The following PHACTR1 variants were observed in gnomAD, a reference collection of about 807,000 sequenced individuals.
PHACTR1 encodes the protein RPEL repeat containing 1.
A neutral mutation model predicts 69.2 loss-of-function variants in PHACTR1; 16 were observed. That is an observed-to-expected ratio of 0.23 (90% CI 0.16 to 0.35). PHACTR1 has a LOEUF of 0.35. Among genes scored for constraint, PHACTR1 ranks in the 10% least tolerant of loss-of-function variants. PHACTR1 has a pLI of 1.00. For missense variants in PHACTR1, 510 were observed against 734.7 expected, an observed-to-expected ratio of 0.69 and a Z score of 3.54; for synonymous variants, 312 against 284.5, an observed-to-expected ratio of 1.10 and a Z score of -0.97.
chr6:13,160,131 T>G lies in PHACTR1; in HGVS notation c.416-73T>G, dbSNP rs1758772075. 7 of 1,319,686 alleles carry G rather than the reference T, an allele frequency of 5.3e-6. No homozygotes were observed. In the Admixed American group the frequency reaches 1.2e-4, roughly 22 times the overall value. The allele number at this position is 1,319,686 out of a possible 1,614,324, so 81.7% of individuals were successfully genotyped here. On this transcript the variant is annotated intron_variant, in intron 5 of 14. Transcript: ENST00000332995. Reference sequence around the variant, plus strand: ...TCGTATGTTACATTGCCATATGTGTTAACATAGGATCCTTTAGAAGACAAC... The same window carrying G: ...TCGTATGTTACATTGCCATATGTGTGAACATAGGATCCTTTAGAAGACAAC...
intron 10 of PHACTR1, among the ~76,000 whole-genome samples, chr6:13,258,670 C>T (rs991733476): frequency 2.0e-5 from 3 of 152,170 alleles, no homozygotes; most frequent in African/African-American, 7.2e-5. Context: ...TTCCTTTGAT[C>T]AGATCATGTT....
intron 5 of PHACTR1, among the ~76,000 whole-genome samples, chr6:13,128,328 A>G: frequency 6.7e-6 from 1 of 150,040 alleles, no homozygotes; most frequent in Non-Finnish European, 1.5e-5. Flanking sequence ...TAATTTAGAA[A>G]TTTAATTATT....
intron 12 of PHACTR1, chr6:13,281,198 A>G (rs1466114741): frequency 8.6e-7 from 1 of 1,166,558 alleles, no homozygotes; most frequent in Non-Finnish European, 1.1e-6. Context: ...GTCAGTTTCC[A>G]GGAAGAGAAA....
intron 5 of PHACTR1, among the ~76,000 whole-genome samples, chr6:13,072,479 A>ACTT (rs1554121040): frequency 1.3e-5 from 2 of 151,212 alleles, no homozygotes; most frequent in African/African-American, 2.4e-5. Context: ...ATTTATACAT[A>ACTT]CTTGCTTTCA....
chr6:13,068,820 A>G (rs1392337881), intron 5 of PHACTR1, among the ~76,000 whole-genome samples: 1 of 152,186 alleles, frequency 6.6e-6, no homozygotes, highest in East Asian at 1.9e-4. Flanking sequence ...TTGGGAGGGA[A>G]GGTGAGCACA....
chr6:12,782,956 C>T (rs1771022357), intron 4 of PHACTR1, among the ~76,000 whole-genome samples: 1 of 152,170 alleles, frequency 6.6e-6, no homozygotes. Context: ...TATATTATTC[C>T]TGGACTCAAA....
Position 13,283,473 on chromosome 6 carries a change from C to A in PHACTR1, c.1561C>A (p.Arg521Ser). The A allele has an allele frequency of 6.2e-7, 1 of 1,613,906 alleles. No homozygotes were observed. Among genetic ancestry groups the A allele is most frequent in the Non-Finnish European group, 8.5e-7 (1 of 1,179,860 alleles). ...GCTTCGGGAAAGAAAGATCCTCATC[C>A]GCTTCAGTGACTACGTGGAGGTGGC... ...EELRERKILI[R>S]FSDYVEVADA... The change falls in exon 13 of 15, where the codon CGC (arginine) becomes AGC (serine). Residue 521 changes from arginine (R) to serine (S), a missense_variant. Coordinates refer to ENST00000332995, the MANE Select transcript of PHACTR1 (RefSeq NM_030948.6). The surrounding 1 kb of genome is among the most constrained non-coding windows in gnomAD (Gnocchi z 4.7).
chr6:13,131,443 C>G (rs571298544), intron 5 of PHACTR1, among the ~76,000 whole-genome samples: 123 of 150,268 alleles, frequency 8.2e-4, no homozygotes, highest in African/African-American at 2.8e-3. Context: ...TGGGGACTTG[C>G]GGGGAAGGGT....
At chr6:12,972,917 T>C (rs1794411301) in intron 4 of PHACTR1, among the ~76,000 whole-genome samples, 1 of 152,088 alleles carries the variant, frequency 6.6e-6, no homozygotes, top group South Asian at 2.1e-4. Context: ...TCCCAAAGTG[T>C]TGGGATTACA....
At chr6:12,746,468 G>T (rs1765797351) in intron 3 of PHACTR1, among the ~76,000 whole-genome samples, 1 of 152,186 alleles carries the variant, frequency 6.6e-6, no homozygotes. Flanking sequence ...GCCTGGGGAG[G>T]TGGAGGCTGC....
At chr6:12,847,063 C>T (rs761311565) in intron 4 of PHACTR1, among the ~76,000 whole-genome samples, 14 of 152,198 alleles carry the variant, frequency 9.2e-5, no homozygotes, top group South Asian at 2.1e-4. Context: ...GGGATCTGGC[C>T]GCGTTGGCCT....
At chr6:12,851,785 T>C (rs1183255656) in intron 4 of PHACTR1, among the ~76,000 whole-genome samples, 1 of 152,174 alleles carries the variant, frequency 6.6e-6, no homozygotes, top group Non-Finnish European at 1.5e-5. Context: ...TATTCCATGA[T>C]CTTTGGTACT....
At chr6:12,823,268 G>A (rs1776418556) in intron 4 of PHACTR1, among the ~76,000 whole-genome samples, 2 of 152,138 alleles carry the variant, frequency 1.3e-5, no homozygotes, top group Admixed American at 6.5e-5. Context: ...TATTTAAAGT[G>A]TTTGGAAGAA....
chr6:12,753,938 T>G, intron 4 of PHACTR1, among the ~76,000 whole-genome samples: 1 of 134,684 alleles, frequency 7.4e-6, no homozygotes, highest in Non-Finnish European at 1.5e-5. Flanking sequence ...CCTAGGCAAG[T>G]TGTAAATATA....
chr6:13,078,949 G>A (rs1472405613), intron 5 of PHACTR1, among the ~76,000 whole-genome samples: 1 of 151,990 alleles, frequency 6.6e-6, no homozygotes, highest in African/African-American at 2.4e-5. Flanking sequence ...TGTTTGGGGG[G>A]GTCTAGCTTT....
chr6:13,062,975 T>C (rs1414584946), intron 5 of PHACTR1, among the ~76,000 whole-genome samples: 2 of 152,184 alleles, frequency 1.3e-5, no homozygotes, highest in African/African-American at 2.4e-5. Context: ...GCTTGAAAGA[T>C]GGAGGGTTAC....
chr6:12,872,593 C>G (rs776340775), intron 4 of PHACTR1, among the ~76,000 whole-genome samples: 1 of 152,178 alleles, frequency 6.6e-6, no homozygotes, highest in Non-Finnish European at 1.5e-5. Flanking sequence ...TACGATGTGA[C>G]TATTTAAATT....
chr6:12,960,989 G>A (rs532085787), intron 4 of PHACTR1, among the ~76,000 whole-genome samples: 1 of 152,278 alleles, frequency 6.6e-6, no homozygotes, highest in African/African-American at 2.4e-5. Flanking sequence ...TTACTCTAAA[G>A]GGTAAAGATG....
chr6:13,177,170 TCTAAAAAAA>T (rs1761432784), intron 6 of PHACTR1, among the ~76,000 whole-genome samples: 1 of 46,280 alleles, frequency 2.2e-5, no homozygotes, highest in South Asian at 1.1e-3. Flanking sequence ...AGACCCCATC[TCTAAAAAAA>T]AAAAAAAAAA....
Sources: gnomAD v4.1 joint callset for allele counts (sites outside exome capture counted in the v4.1 genomes callset) on GRCh38, gnomAD v4.1.1 for gene constraint, Gnocchi (gnomAD v3.1) non-coding constraint, MANE v1.5 for transcripts, NCBI Gene and HGNC (gene_info 2026-07-23, HGNC 2026-07-21) for gene names.